GPR35: variants seen among roughly 807,000 people sequenced by gnomAD.
GPR35 encodes G protein-coupled receptor 35.
For synonymous variants in GPR35, 207 were observed against 198.4 expected (o/e 1.04, Z -0.36); for missense variants, 372 against 422.5 (o/e 0.88, Z 1.05).
upstream of GPR35, among the ~76,000 whole-genome samples, chr2:240,624,480 T>C (rs1380299897): frequency 6.6e-6 from 1 of 152,124 alleles, no homozygotes; most frequent in African/African-American, 2.4e-5. Context: ...TGCCTCTGGG[T>C]AGAGAGCCCT....
In GPR35 at chr2:240,630,075, G is replaced by A. The variant is rs61734451; in HGVS notation, c.123G>A (p.Ala41=). The A allele has an allele frequency of 2.0e-5, 32 of 1,611,428 alleles. No individual in the cohort carries two copies. The highest frequency in any genetic ancestry group is 6.7e-5 in the Admixed American group (4 of 60,022). The part of the protein sequence containing the change: ...LVLGLLLNSL[A]LWVFCCRMQQ... ...TAGGCCTGCTGCTCAACAGCCTGGC[G>A]CTCTGGGTGTTCTGCTGCCGCATGC... The change falls in exon 2 of 2, where the codon GCG becomes GCA. Residue 41 remains alanine, a synonymous_variant. Transcript: ENST00000407714.
At chr2:240,624,763 C>T (rs561127576), upstream of GPR35, among the ~76,000 whole-genome samples, 3 of 152,316 alleles carry the variant, frequency 2.0e-5, no homozygotes, top group East Asian at 5.8e-4. Context: ...GCAGCCTGGG[C>T]CTACGGGCTC....
At chr2:240,627,179 G>A (rs180768358) in intron 1 of GPR35, among the ~76,000 whole-genome samples, 48 of 152,170 alleles carry the variant, frequency 3.2e-4, no homozygotes, top group African/African-American at 8.4e-4. Flanking sequence ...GGCCAGCTAC[G>A]GTCCACGGCC....
upstream of GPR35, among the ~76,000 whole-genome samples, chr2:240,623,089 C>T (rs2043316254): frequency 2.0e-5 from 3 of 152,194 alleles, no homozygotes; most frequent in Non-Finnish European, 2.9e-5. Flanking sequence ...GACGACTGAG[C>T]ACCTGATATG....
exon 2 of GPR35, chr2:240,606,598 A>G (rs2043136765): frequency 1.3e-5 from 2 of 152,188 alleles, no homozygotes; most frequent in African/African-American, 4.8e-5. Flanking sequence ...ATTAGGGAGG[A>G]CCGTCTGCAC....
At chr2:240,620,195 A>T (rs938397654) in intron 5 of GPR35, among the ~76,000 whole-genome samples, 3 of 152,166 alleles carry the variant, frequency 2.0e-5, no homozygotes, top group African/African-American at 7.2e-5. Flanking sequence ...CCCCAGGAGC[A>T]GGCAGTGGGA....
At position 240,631,240 on chromosome 2, in the gene GPR35, C is replaced by T. The variant is rs1405033511; in HGVS notation, c.*358C>T. ...GCCCCTCGGGGCTGGAATAAAACTC[C>T]CCACCCAGAGTCAGTCCTAGTGGGG... On this transcript the variant is annotated 3_prime_UTR_variant, in exon 2 of 2. Coordinates refer to ENST00000407714, the MANE Select transcript of GPR35 (RefSeq NM_005301.5). 1 of 305,246 alleles carries T rather than the reference C, an allele frequency of 3.3e-6. No individual in the cohort carries two copies. 18.9% of individuals were successfully genotyped at this position (305,246 alleles called of 1,614,324 possible).
chr2:240,620,636 C>T (rs1473069813), upstream of GPR35, among the ~76,000 whole-genome samples: 1 of 152,080 alleles, frequency 6.6e-6, no homozygotes, highest in Non-Finnish European at 1.5e-5. Flanking sequence ...CAGCTCCTGC[C>T]AAGGGCCCTG....
chr2:240,620,270 G>T (rs964692667), intron 5 of GPR35, among the ~76,000 whole-genome samples: 4 of 152,194 alleles, frequency 2.6e-5, no homozygotes, highest in Admixed American at 1.3e-4. Context: ...CTCAGCCCAA[G>T]GAGCCTCTTC....
intron 2 of GPR35, among the ~76,000 whole-genome samples, chr2:240,609,955 T>G (rs556314213): frequency 1.3e-5 from 2 of 152,242 alleles, no homozygotes; most frequent in South Asian, 4.1e-4. Context: ...TTTTTTCATA[T>G]GAAATATCCT....
chr2:240,630,541 G>A lies in GPR35; in HGVS notation c.589G>A (p.Ala197Thr), dbSNP rs775924140. ...CTTCTGCTCCCTGAAGGTGGTGACT[G>A]CCCTGGCCCAGAGGCCACCCACCGA... is the stretch of plus-strand genomic sequence containing the variant. Reference protein sequence around the residue: ...VVFCSLKVVTALAQRPPTDVG... With the variant: ...VVFCSLKVVTTLAQRPPTDVG... Residue 197 changes from alanine to threonine, a missense_variant, in exon 2 of 2, where the codon GCC (alanine) becomes ACC (threonine). Transcript: ENST00000407714. 1.2e-5 allele frequency: 20 copies of A among 1,612,778 alleles called. No homozygotes were observed. Among genetic ancestry groups the A allele is most frequent in the South Asian group, 8.8e-5 (8 of 91,090 alleles).
At position 240,630,350 on chromosome 2, in the gene GPR35, C is replaced by A; in HGVS notation, c.398C>A (p.Ala133Asp). The part of the protein sequence containing the change: ...RARGLRSPRQ[A>D]AAVCAVLWVL... The stretch of plus-strand genomic sequence containing the variant: ...CGCGGGCTGCGGTCCCCCAGGCAGG[C>A]TGCGGCCGTGTGCGCGGTCCTCTGG... The change falls in exon 2 of 2, where the codon GCT (alanine) becomes GAT (aspartate). Residue 133 changes from alanine (A) to aspartate (D), a missense_variant. Transcript: ENST00000407714. 1 of 1,603,628 alleles carries A rather than the reference C, an allele frequency of 6.2e-7. No homozygotes were observed. Among genetic ancestry groups the A allele is most frequent in the East Asian group, 2.2e-5 (1 of 44,784 alleles).
intron 4 of GPR35, chr2:240,617,847 CTAA>C (rs940453189): frequency 1.3e-5 from 2 of 154,820 alleles, no homozygotes; most frequent in African/African-American, 4.8e-5. Flanking sequence ...TGGCACTGCC[CTAA>C]TAATCTTTGA....
chr2:240,619,123 G>A (rs1169500708), intron 5 of GPR35: 4 of 652,368 alleles, frequency 6.1e-6, no homozygotes, highest in East Asian at 2.8e-5. Context: ...CCTGCCTGGG[G>A]GTTTGTGCCA....
At chr2:240,621,712 T>C (rs112330612), upstream of GPR35, among the ~76,000 whole-genome samples, 6 of 152,266 alleles carry the variant, frequency 3.9e-5, no homozygotes, top group African/African-American at 1.4e-4. Context: ...AGTCAGAATG[T>C]GGTGAGAAGA....
upstream of GPR35, among the ~76,000 whole-genome samples, chr2:240,621,239 G>A (rs1016591203): frequency 6.7e-6 from 1 of 149,440 alleles, no homozygotes; most frequent in Non-Finnish European, 1.5e-5. Flanking sequence ...GTAATGTGTT[G>A]TTTTATTTCT....
At chr2:240,622,921 A>G (rs1452351034), upstream of GPR35, among the ~76,000 whole-genome samples, 1 of 152,232 alleles carries the variant, frequency 6.6e-6, no homozygotes, top group Non-Finnish European at 1.5e-5. Flanking sequence ...GCAGAGGGCC[A>G]GGTGGTCTGA....
At chr2:240,610,048 C>T (rs2043167898) in intron 2 of GPR35, among the ~76,000 whole-genome samples, 1 of 152,052 alleles carries the variant, frequency 6.6e-6, no homozygotes, top group Admixed American at 6.6e-5. Flanking sequence ...CAACCTCCGC[C>T]TCCTGGGTTC....
At chr2:240,608,668 C>G (rs373730725) in intron 2 of GPR35, among the ~76,000 whole-genome samples, 7 of 152,030 alleles carry the variant, frequency 4.6e-5, no homozygotes, top group African/African-American at 1.7e-4. Flanking sequence ...GATTTTATGT[C>G]TATGTTTATG....
Sources: gnomAD v4.1 joint callset for allele counts (sites outside exome capture counted in the v4.1 genomes callset) on GRCh38, gnomAD v4.1.1 for gene constraint, MANE v1.5 for transcripts, NCBI Gene and HGNC (gene_info 2026-07-23, HGNC 2026-07-21) for gene names.